The following CAPRIN1 variants were observed in gnomAD, a reference collection of about 807,000 sequenced individuals.
CAPRIN1 encodes caprin-1.
Under a neutral mutation model 100.9 loss-of-function variants are expected in CAPRIN1, and 29 were observed. That is an observed-to-expected ratio of 0.29 (90% CI 0.21 to 0.39). CAPRIN1 has a LOEUF of 0.39. Among genes scored for constraint, CAPRIN1 ranks in the 10% least tolerant of loss-of-function variants. CAPRIN1 has a pLI of 1.00. For missense variants in CAPRIN1, 795 were observed against 876.7 expected (o/e 0.91, Z 1.18); for synonymous variants, 338 against 307.5 (o/e 1.10, Z -1.04).
intron 9 of CAPRIN1, 100 bp from the exon 10 acceptor site, chr11:34,085,964 A>G (rs1851133222): frequency 2.3e-6 from 2 of 874,242 alleles, no homozygotes; most frequent in Admixed American, 2.6e-5. Flanking sequence ...TTCTGTTTAT[A>G]GTATAGATGG....
chr11:34,079,861 T>C, intron 7 of CAPRIN1, 96 bp downstream of exon 7: 2 of 1,126,252 alleles, frequency 1.8e-6, no homozygotes, highest in Non-Finnish European at 2.5e-6. Context: ...TTTTCATATA[T>C]GTACACTAGA....
At chr11:34,069,182 C>T (rs7127581) in intron 2 of CAPRIN1, among the ~76,000 whole-genome samples, 12,498 of 146,078 alleles carry the variant, frequency 0.086, 550 homozygotes, top group African/African-American at 0.094. Flanking sequence ...GATGGAGTCT[C>T]GCTTTGTCCC....
intron 2 of CAPRIN1, among the ~76,000 whole-genome samples, chr11:34,063,558 G>C (rs940153538): frequency 1.4e-4 from 22 of 152,192 alleles, no homozygotes; most frequent in African/African-American, 5.3e-4. Context: ...TTATTTCCCA[G>C]TACCACATGA....
intron 10 of CAPRIN1, 38 bp downstream of exon 10, chr11:34,086,257 T>G: frequency 6.2e-7 from 1 of 1,608,826 alleles, no homozygotes; most frequent in Non-Finnish European, 8.5e-7. Flanking sequence ...ACAGAAAGTT[T>G]AAGTGTTTAT....
In CAPRIN1 at chr11:34,073,590, A is replaced by G. The variant is rs531668386; in HGVS notation, c.366+1603A>G. Among the ~76,000 whole-genome samples, 129 of 152,018 alleles carry G rather than the reference A, an allele frequency of 8.5e-4. 1 individual carries two copies. The highest frequency in any genetic ancestry group is 1.1e-3 in the Non-Finnish European group (73 of 68,004). On this transcript the variant is annotated intron_variant, in intron 4 of 18. Coordinates refer to ENST00000341394, the MANE Select transcript of CAPRIN1 (RefSeq NM_005898.5). The stretch of plus-strand genomic sequence containing the variant: ...AGACCTGCGCCACCATGCCAGTCTA[A>G]TTTTCTAATTTTTAGTAGGGATGGG...
intron 2 of CAPRIN1, among the ~76,000 whole-genome samples, chr11:34,070,885 A>G (rs1850793490): frequency 6.6e-6 from 1 of 151,530 alleles, no homozygotes. Context: ...TATTTTTAGT[A>G]GAGACGAGGT....
chr11:34,063,959 G>T (rs1016989064), intron 2 of CAPRIN1, among the ~76,000 whole-genome samples: 13 of 152,016 alleles, frequency 8.6e-5, no homozygotes, highest in Non-Finnish European at 1.0e-4. Flanking sequence ...GTAGAGACGG[G>T]GTTTCTCCAT....
intron 18 of CAPRIN1, 111 bp from the exon 19 acceptor site, chr11:34,099,189 CTAA>C: frequency 1.3e-6 from 2 of 1,531,874 alleles, no homozygotes; most frequent in Non-Finnish European, 1.8e-6. Context: ...CCTCTTAAGC[CTAA>C]TAATGTGGTG....
intron 2 of CAPRIN1, among the ~76,000 whole-genome samples, chr11:34,068,232 A>G (rs1005343862): frequency 6.6e-5 from 10 of 152,218 alleles, no homozygotes; most frequent in African/African-American, 2.4e-4. Context: ...CTGTATTTGT[A>G]TGATGGCTGA....
chr11:34,080,548 C>G (rs1330472941), intron 7 of CAPRIN1, among the ~76,000 whole-genome samples: 2 of 152,154 alleles, frequency 1.3e-5, no homozygotes, highest in Non-Finnish European at 2.9e-5. Context: ...GGCAAGGGGT[C>G]TTTTCCAGTT....
chr11:34,091,416 A>C (rs1851262594), intron 14 of CAPRIN1, among the ~76,000 whole-genome samples: 1 of 152,118 alleles, frequency 6.6e-6, no homozygotes, highest in South Asian at 2.1e-4. Flanking sequence ...CCTTTGGAGT[A>C]GCTGACACTC....
intron 6 of CAPRIN1, 58 bp from the exon 7 acceptor site, chr11:34,079,570 C>T: frequency 1.4e-6 from 2 of 1,450,716 alleles, no homozygotes; most frequent in East Asian, 2.3e-5. Context: ...GTTGGATCTT[C>T]TTCAAGCCAG....
chr11:34,082,502 A>G (rs535184301), intron 7 of CAPRIN1, among the ~76,000 whole-genome samples: 1 of 152,274 alleles, frequency 6.6e-6, no homozygotes, highest in African/African-American at 2.4e-5. Flanking sequence ...TTTATTTTTT[A>G]GAGCAGTTTT....
At chr11:34,082,104 G>T (rs991990464) in intron 7 of CAPRIN1, among the ~76,000 whole-genome samples, 1 of 152,148 alleles carries the variant, frequency 6.6e-6, no homozygotes, top group Non-Finnish European at 1.5e-5. Context: ...GAGCCAGCGC[G>T]CCTGGCCTAG....
At chr11:34,054,834 A>G (rs1351128769) in intron 2 of CAPRIN1, among the ~76,000 whole-genome samples, 2 of 152,234 alleles carry the variant, frequency 1.3e-5, no homozygotes, top group African/African-American at 2.4e-5. Flanking sequence ...GTAATTGAAC[A>G]TAAAATATTA....
At chr11:34,080,174 C>T (rs1209246761) in intron 7 of CAPRIN1, among the ~76,000 whole-genome samples, 1 of 152,090 alleles carries the variant, frequency 6.6e-6, no homozygotes, top group Non-Finnish European at 1.5e-5. Flanking sequence ...CCACCCGCCT[C>T]GGCCTCCCAA....
Position 34,099,488 on chromosome 11 carries a change from G to T in CAPRIN1, c.*121G>T. The T allele has an allele frequency of 1.3e-6, 1 of 799,142 alleles. No individual in the cohort carries two copies. The highest frequency in any genetic ancestry group is 3.5e-4 in the Middle Eastern group (1 of 2,842). 49.5% of individuals were successfully genotyped at this position (799,142 alleles called of 1,614,324 possible). On this transcript the variant is annotated 3_prime_UTR_variant, in exon 19 of 19. Transcript: ENST00000341394. ...TCAGGAAACTTATTGTAAAGGGACT[G>T]TTTTCATCCCATAAAGACAGGACTA...
Position 34,086,403 on chromosome 11 carries a change from T to G in CAPRIN1, c.1221T>G (p.Val407=). The G allele has an allele frequency of 1.2e-6, 2 of 1,608,758 alleles. No homozygotes were observed. The highest frequency in any genetic ancestry group is 8.5e-7 in the Non-Finnish European group (1 of 1,175,600). ...AAAACATGGACATGCCCCAGCTGGTTTGCCCTCCAGGTTAGTAGTGGTACA... is the reference window on the plus strand; with the variant it reads ...AAAACATGGACATGCCCCAGCTGGTGTGCCCTCCAGGTTAGTAGTGGTACA... ...PTQNMDMPQL[V]CPPVHSESRL... The change falls in exon 11 of 19, where the codon GTT becomes GTG. Residue 407 remains valine, a synonymous_variant. Coordinates refer to ENST00000341394, the MANE Select transcript of CAPRIN1 (RefSeq NM_005898.5).
chr11:34,101,302 G>C lies in CAPRIN1; in HGVS notation c.*1935G>C, dbSNP rs1851450276. 1 of 152,132 alleles carries C rather than the reference G, an allele frequency of 6.6e-6. No homozygotes were observed. The allele number at this position is 152,132 out of a possible 1,614,324, so 9.4% of individuals were successfully genotyped here. ...ACAACCATATGTTACCTGTATCTTA[G>C]GGGAATGGATAAAATATTTGTGGTT... On this transcript the variant is annotated 3_prime_UTR_variant, in exon 19 of 19. Coordinates refer to ENST00000341394, the MANE Select transcript of CAPRIN1 (RefSeq NM_005898.5).
Sources: allele counts gnomAD v4.1 joint callset (sites outside exome capture counted in the v4.1 genomes callset), GRCh38; gene constraint gnomAD v4.1.1; transcripts MANE v1.5; gene names NCBI Gene and HGNC (gene_info 2026-07-23, HGNC 2026-07-21).